The following TSC2 variants were observed in gnomAD, a reference collection of about 807,000 sequenced individuals.
TSC2 encodes the protein TSC complex subunit 2.
A neutral mutation model predicts 202.2 loss-of-function variants in TSC2; 29 were observed. That is an observed-to-expected ratio of 0.14 (90% CI 0.11 to 0.20). TSC2 has a LOEUF of 0.20. TSC2 is among the 10% of genes least tolerant of loss of function. The pLI is 1.00. For missense variants in TSC2, 2,429 were observed against 2,420.0 expected, an observed-to-expected ratio of 1.00 and a Z score of -0.08; for synonymous variants, 1,349 against 1,044.0, an observed-to-expected ratio of 1.29 and a Z score of -5.63.
chr16:2,051,234 C>T (rs2085076939), intron 3 of TSC2, among the ~76,000 whole-genome samples: 1 of 151,444 alleles, frequency 6.6e-6, no homozygotes, highest in Admixed American at 6.6e-5. Context: ...GCAGGAGAAT[C>T]GCTTGAACCC....
At chr16:2,086,664 C>G in intron 37 of TSC2, 68 bp from the exon 38 acceptor site, 1 of 1,596,666 alleles carries the variant, frequency 6.3e-7, no homozygotes, top group Non-Finnish European at 8.5e-7. Flanking sequence ...TCAGGAGGTG[C>G]CCCAGTGCAA....
At chr16:2,071,219 C>T (rs953378104) in intron 17 of TSC2, among the ~76,000 whole-genome samples, 1 of 152,200 alleles carries the variant, frequency 6.6e-6, no homozygotes, top group African/African-American at 2.4e-5. Context: ...TGTGGTGCTG[C>T]CAGAGGAGCG....
chr16:2,056,558 A>T, intron 7 of TSC2, 86 bp from the exon 8 acceptor site: 1 of 1,566,402 alleles, frequency 6.4e-7, no homozygotes, highest in South Asian at 1.1e-5. Context: ...GCGCAGGCTG[A>T]AGGAGGTGGG....
rs397514887 is a variant in TSC2, at chr16:2,079,425, C to G, written c.3281C>G (p.Ser1094Trp). ...GGGGAGCTGCAGTCCGGCCCGGAGT[C>G]GAGGTGACTGCACCTTCCTTTCCTC... ...DSGELQSGPE[S>W]SSSPGVHVRQ... Residue 1094 changes from serine to tryptophan, a missense_variant, in exon 28 of 42, where the codon TCG becomes TGG. By Grantham distance (177) the Ser-to-Trp change is radical (BLOSUM62 -3). Coordinates refer to ENST00000219476, the MANE Select transcript of TSC2 (RefSeq NM_000548.5). This position sits in a 1 kb window ranked among gnomAD's most constrained non-coding sequence, Gnocchi z 4.6. 1.9e-6 allele frequency: 3 copies of G among 1,612,626 alleles called. No homozygotes were observed. Among genetic ancestry groups the G allele is most frequent in the Admixed American group, 3.3e-5 (2 of 60,008 alleles).
chr16:2,067,605 T>C (rs2087574893), intron 16 of TSC2, among the ~76,000 whole-genome samples: 1 of 151,936 alleles, frequency 6.6e-6, no homozygotes, highest in Middle Eastern at 3.2e-3. Flanking sequence ...ACCCCGTCTC[T>C]ACTAAAAATA....
chr16:2,082,945 G>A (rs982490492), intron 32 of TSC2: 4 of 375,404 alleles, frequency 1.1e-5, no homozygotes, highest in African/African-American at 8.4e-5. Context: ...TTGACCAGGG[G>A]CCCTGCAGAC....
chr16:2,083,146 TCTA>T (rs1398741646), intron 32 of TSC2: 3 of 456,570 alleles, frequency 6.6e-6, no homozygotes, highest in Non-Finnish European at 8.8e-6. Flanking sequence ...TGTTGCTGCT[TCTA>T]CTTCCTCTCC....
rs776579875 is a variant in TSC2, at chr16:2,080,257, G to A, written c.3490G>A (p.Ala1164Thr). ...TSPGPRTAPA[A>T]KPEKASAGTR... ...TCCAGGACCACGGACTGCACCAGCC[G>A]CGAAACCTGAGAAGGCCTCAGCTGG... Residue 1164 changes from alanine to threonine, a missense_variant, in exon 30 of 42, where the codon GCG (alanine) becomes ACG (threonine). Transcript: ENST00000219476. The A allele has an allele frequency of 1.1e-5, 17 of 1,612,884 alleles. No individual in the cohort carries two copies. The highest frequency in any genetic ancestry group is 1.7e-5 in the Admixed American group (1 of 60,010).
intron 32 of TSC2, 66 bp downstream of exon 32, chr16:2,082,570 G>C (rs74002774): frequency 6.4e-7 from 1 of 1,570,214 alleles, no homozygotes; most frequent in Non-Finnish European, 8.7e-7. Context: ...TGCTGTGCTC[G>C]TCGCCTCATC....
intron 38 of TSC2, chr16:2,087,257 C>T (rs926608427): frequency 2.7e-6 from 1 of 363,800 alleles, no homozygotes; most frequent in Admixed American, 3.9e-5. Context: ...TCACCCTCTT[C>T]CTGGAGGTGG....
Position 2,061,900 on chromosome 16 carries a change from C to T in TSC2, c.1149C>T (p.Ile383=), listed in dbSNP as rs764246333. 6.2e-7 allele frequency: 1 copy of T among 1,614,176 alleles called. No individual in the cohort carries two copies. The highest frequency in any genetic ancestry group is 8.5e-7 in the Non-Finnish European group (1 of 1,180,028). Residue 383 remains isoleucine (I), a synonymous_variant, in exon 12 of 42, where the codon ATC becomes ATT. Coordinates refer to ENST00000219476, the MANE Select transcript of TSC2 (RefSeq NM_000548.5). ...QTLDSPELRT[I]VHDLLTTVEE... is the part of the protein sequence containing the mutation. ...TGGACAGCCCGGAGCTCAGGACCAT[C>T]GTCCATGACCTGTTGACCACGGTGG...
intron 9 of TSC2, among the ~76,000 whole-genome samples, chr16:2,058,233 C>T (rs1418512746): frequency 1.3e-5 from 2 of 152,064 alleles, no homozygotes; most frequent in South Asian, 2.1e-4. Flanking sequence ...TCTCTCCTTT[C>T]CTCCATCTTG....
Position 2,055,503 on chromosome 16 carries a change from A to G in TSC2, c.583A>G (p.Ile195Val), listed in dbSNP as rs148325559. ...KFNSCYLDEY[I>V]ARMVQMICLL... ...CAATAGCTGTTACCTCGACGAGTAC[A>G]TCGCAAGGATGGTTCAGTAAGAAAA... The change falls in exon 6 of 42, where the codon ATC (isoleucine) becomes GTC (valine). Residue 195 changes from isoleucine (I) to valine (V), a missense_variant. Transcript: ENST00000219476. 43 of 1,613,972 alleles carry G rather than the reference A, an allele frequency of 2.7e-5. No homozygotes were observed. Among genetic ancestry groups the G allele is most frequent in the East Asian group, 4.5e-5 (2 of 44,900 alleles).
chr16:2,072,702 AG>A, intron 20 of TSC2, 146 bp from the exon 21 acceptor site: 2 of 1,330,592 alleles, frequency 1.5e-6, no homozygotes, highest in Non-Finnish European at 2.1e-6. Flanking sequence ...TCCGAAAGGG[AG>A]GCCCTTCCTG....
intron 10 of TSC2, among the ~76,000 whole-genome samples, 157 bp from the exon 11 acceptor site, chr16:2,060,513 C>T (rs1425470561): frequency 6.6e-6 from 1 of 152,140 alleles, no homozygotes; most frequent in Admixed American, 6.5e-5. Context: ...GAAACCCCTC[C>T]TGGGCGCCCC....
At position 2,082,541 on chromosome 16, in the gene TSC2, C is replaced by T. The variant is rs45517315; in HGVS notation, c.3883+37C>T. 3.3e-4 allele frequency: 524 copies of T among 1,598,790 alleles called. 2 individuals are homozygous for T. The highest frequency in any genetic ancestry group is 1.0e-3 in the East Asian group (46 of 44,852). ...CAGAGGGAAGCGGTTGGCTGCAGAGCGCCACTCTGCCTCATAGGTGCTGTG... is the reference window on the plus strand; with the variant it reads ...CAGAGGGAAGCGGTTGGCTGCAGAGTGCCACTCTGCCTCATAGGTGCTGTG... On this transcript the variant is annotated intron_variant, in intron 32 of 41. Coordinates refer to ENST00000219476, the MANE Select transcript of TSC2 (RefSeq NM_000548.5).
Position 2,060,903 on chromosome 16 carries a change from C to T in TSC2, c.1119+90C>T, listed in dbSNP as rs1470760254. 3.3e-6 allele frequency: 5 copies of T among 1,509,522 alleles called. No homozygotes were observed. In the East Asian group the frequency reaches 9.4e-5, roughly 28 times the overall value. 93.5% of individuals were successfully genotyped at this position (1,509,522 alleles called of 1,614,324 possible). A position where few individuals can be genotyped will look rare whatever the true frequency, so the allele number is the denominator to read the frequency against. On this transcript the variant is annotated intron_variant, in intron 11 of 41. Transcript: ENST00000219476. ...GAAGATGGTACCTTGGGCCCCATCT[C>T]TGGGGGTCCCGCAGAGACTGCCAGA...
intron 38 of TSC2, chr16:2,087,163 C>T: frequency 1.7e-5 from 8 of 481,486 alleles, no homozygotes; most frequent in South Asian, 1.6e-4. Flanking sequence ...CCGGCGCGGC[C>T]CTTGGGCCCC....
intron 3 of TSC2, among the ~76,000 whole-genome samples, chr16:2,052,406 C>G (rs1035666287): frequency 3.3e-5 from 5 of 152,042 alleles, no homozygotes; most frequent in African/African-American, 1.2e-4. Context: ...ACCTGCCAGG[C>G]TCACGTGATC....
Sources: allele counts gnomAD v4.1 joint callset (sites outside exome capture counted in the v4.1 genomes callset), GRCh38; gene constraint gnomAD v4.1.1; non-coding constraint Gnocchi (gnomAD v3.1); transcripts MANE v1.5; gene names NCBI Gene and HGNC (gene_info 2026-07-23, HGNC 2026-07-21).